The following NBPF9 variants were observed in gnomAD, a reference collection of about 807,000 sequenced individuals.
The protein encoded by NBPF9 is NBPF family member NBPF9.
Under a neutral mutation model 97.8 loss-of-function variants are expected in NBPF9, and 91 were observed. That is an observed-to-expected ratio of 0.93 (90% CI 0.79 to 1.11). The LOEUF (loss-of-function observed/expected upper bound fraction) is 1.11. Among genes scored for constraint, NBPF9 ranks in the 50% least tolerant of loss-of-function variants. NBPF9 has a pLI of 0.00. For synonymous variants in NBPF9, 334 were observed against 359.5 expected, an observed-to-expected ratio of 0.93 and a Z score of 0.80; for missense variants, 992 against 939.5, an observed-to-expected ratio of 1.06 and a Z score of -0.73.
chr1:149,065,643 C>T lies in NBPF9; in HGVS notation c.1684G>A (p.Asp562Asn), dbSNP rs1324921983. 3.7e-6 allele frequency: 6 copies of T among 1,603,168 alleles called. No individual in the cohort carries two copies. In the Admixed American group the frequency reaches 1.0e-4, roughly 27 times the overall value. The change falls in exon 18 of 30, where the codon GAT becomes AAT. Residue 562 changes from aspartate to asparagine, a missense_variant. Physicochemically the swap from Asp to Asn is conservative, Grantham distance 23. Around this residue, in one of 11 missense-constraint regions of NBPF9, gnomAD observed 151 missense variants for 132.8 expected, o/e 1.14. Coordinates refer to ENST00000584027, the Ensembl canonical transcript of NBPF9. ...ATTGAGGGAGTCGAATAACCTTCAT[C>T]CCAGGACTCCTGGGGGACTTCCTCC... is the stretch of plus-strand genomic sequence containing the variant.
chr1:149,064,151 A>G (rs1178297696), intron 19 of NBPF9, among the ~76,000 whole-genome samples: 1 of 137,370 alleles, frequency 7.3e-6, no homozygotes, highest in African/African-American at 2.9e-5. Flanking sequence ...GCATGTCCTC[A>G]ATAATTTTGC....
At position 149,098,578 on chromosome 1, in the gene NBPF9, T is replaced by A. The variant is rs1290785611; in HGVS notation, c.-477A>T. On this transcript the variant is annotated 5_prime_UTR_variant, in exon 4 of 30. It removes an upstream start codon present in the reference 5' UTR. Transcript: ENST00000584027. ...GTGGGAATTGGTGGCACCCCCAGCA[T>A]GGAGGCCAAGAACACACAGCACTGA... 1.0e-5 allele frequency: 15 copies of A among 1,435,980 alleles called. No homozygotes were observed. Among genetic ancestry groups the A allele is most frequent in the Non-Finnish European group, 1.3e-5 (14 of 1,085,570 alleles). 89.0% of individuals were successfully genotyped at this position (1,435,980 alleles called of 1,614,324 possible).
At chr1:149,100,720 G>A (rs1473979106) in intron 3 of NBPF9, among the ~76,000 whole-genome samples, 2 of 152,188 alleles carry the variant, frequency 1.3e-5, no homozygotes, top group Non-Finnish European at 2.9e-5. Context: ...GATTACTTGA[G>A]CCCAACAGTT....
chr1:149,061,144 A>C lies in NBPF9; in HGVS notation c.2303+188T>G, dbSNP rs1163736234. On this transcript the variant is annotated intron_variant, in intron 23 of 29. Transcript: ENST00000584027. Reference sequence around the variant, plus strand: ...CTGGTCCACCTACAGTAGGTTAGTAAATGATAAGGGGAGGAAGAAATGGAA... The same window carrying C: ...CTGGTCCACCTACAGTAGGTTAGTACATGATAAGGGGAGGAAGAAATGGAA... 4 of 369,000 alleles carry C rather than the reference A, an allele frequency of 1.1e-5. No homozygotes were observed. In the Admixed American group the frequency reaches 1.8e-4, roughly 17 times the overall value. The allele number at this position is 369,000 out of a possible 1,614,324, so 22.9% of individuals were successfully genotyped here. A position where few individuals can be genotyped will look rare whatever the true frequency, so the allele number is the denominator to read the frequency against.
intron 16 of NBPF9, among the ~76,000 whole-genome samples, chr1:149,070,351 G>A (rs1553652644): frequency 7.5e-6 from 1 of 133,498 alleles, no homozygotes; most frequent in African/African-American, 2.8e-5. Flanking sequence ...AAAAATCCAC[G>A]ATGCTACAAA....
At chr1:149,062,837 A>ACT in intron 21 of NBPF9, 25 bp downstream of exon 21, 1 of 667,710 alleles carries the variant, frequency 1.5e-6, no homozygotes, top group Middle Eastern at 4.0e-4. Flanking sequence ...CACAGAATTA[A>ACT]GCATCCATAA....
intron 15 of NBPF9, 93 bp downstream of exon 15, chr1:149,071,511 T>A: frequency 8.9e-7 from 1 of 1,124,598 alleles, no homozygotes; most frequent in Non-Finnish European, 1.3e-6. Context: ...GAATGCGGGT[T>A]TTTGGCCCAT....
intron 5 of NBPF9, among the ~76,000 whole-genome samples, chr1:149,085,448 C>A (rs1250105703): frequency 6.6e-6 from 1 of 152,098 alleles, no homozygotes; most frequent in Non-Finnish European, 1.5e-5. Flanking sequence ...ATTCTAGGTT[C>A]TTTGATTTTC....
chr1:149,090,788 G>A (rs4124939), exon 5 of NBPF9: 20 of 553,354 alleles, frequency 3.6e-5, no homozygotes, highest in East Asian at 1.2e-4. Context: ...CCCAACTGGC[G>A]GCTGCTTCTT....
chr1:149,061,186 C>T lies in NBPF9; in HGVS notation c.2303+146G>A, dbSNP rs1245360349. 5.5e-5 allele frequency: 18 copies of T among 328,522 alleles called. No individual in the cohort carries two copies. In the East Asian group the frequency reaches 7.8e-4, roughly 14 times the overall value. The allele number at this position is 328,522 out of a possible 1,614,324, so 20.4% of individuals were successfully genotyped here. On this transcript the variant is annotated intron_variant, in intron 23 of 29. Transcript: ENST00000584027. The stretch of plus-strand genomic sequence containing the variant: ...GAAATGGAAACCTAAATATCTACTG[C>T]AATGAAAACCAACAGCAATGTTAGT...
chr1:149,068,579 A>G (rs2079176768), intron 17 of NBPF9, among the ~76,000 whole-genome samples: 1 of 151,710 alleles, frequency 6.6e-6, no homozygotes, highest in Non-Finnish European at 1.5e-5. Context: ...AGAGTTAACT[A>G]TCCTAAATAT....
At chr1:149,064,070 A>C (rs1217789854) in intron 19 of NBPF9, among the ~76,000 whole-genome samples, 2 of 137,052 alleles carry the variant, frequency 1.5e-5, no homozygotes, top group African/African-American at 5.8e-5. Flanking sequence ...CAGGTGACAC[A>C]CTGATGAGGG....
rs1553648972 is a variant in NBPF9, at chr1:149,056,285, G to A, written c.3092+227C>T. 2.2e-5 allele frequency among the ~76,000 whole-genome samples: 3 copies of A among 133,882 alleles called. No homozygotes were observed. The South Asian group carries it at 8.7e-4, about 39-fold the overall frequency. 87.8% of individuals were successfully genotyped at this position (133,882 alleles called of 152,430 possible). On this transcript the variant is annotated intron_variant, in intron 29 of 29. Transcript: ENST00000584027. ...GCTCAAAATTCGATGCAGTGGCCAT[G>A]AGAGTACAGCTTTTGAAGTATGGTC...
chr1:149,089,346 AG>A (rs1322900977), intron 5 of NBPF9, among the ~76,000 whole-genome samples: 2 of 152,022 alleles, frequency 1.3e-5, no homozygotes, highest in African/African-American at 4.8e-5. Context: ...GCTGTGGAAG[AG>A]TGGCCACTGA....
intron 3 of NBPF9, among the ~76,000 whole-genome samples, chr1:149,100,660 G>A (rs2082087907): frequency 6.6e-6 from 1 of 152,208 alleles, no homozygotes; most frequent in Admixed American, 6.5e-5. Flanking sequence ...ACAGCCGGGT[G>A]GGGTGGCTCA....
At chr1:149,071,384 T>G (rs1442535919) in intron 15 of NBPF9, among the ~76,000 whole-genome samples, 11 of 149,844 alleles carry the variant, frequency 7.3e-5, no homozygotes, top group Admixed American at 7.3e-4. Context: ...CTGAGGAGGA[T>G]GAAGACTCAG....
At chr1:149,080,998 G>A (rs2080383718) in intron 7 of NBPF9, among the ~76,000 whole-genome samples, 2 of 151,796 alleles carry the variant, frequency 1.3e-5, no homozygotes. Context: ...CTGCACTGCT[G>A]CTTCCACACA....
chr1:149,089,195 C>A (rs1204224903), intron 5 of NBPF9, among the ~76,000 whole-genome samples: 1 of 152,302 alleles, frequency 6.6e-6, no homozygotes, highest in Non-Finnish European at 1.5e-5. Flanking sequence ...AGAGGTGCCA[C>A]AGGACCTTTA....
exon 20 of NBPF9, chr1:149,063,705 A>C (rs1350193651): frequency 2.3e-5 from 14 of 607,186 alleles, no homozygotes; most frequent in Non-Finnish European, 4.1e-5. Context: ...GGCTGGCATG[A>C]GTCAGTCAGT....
Sources: allele counts gnomAD v4.1 joint callset (sites outside exome capture counted in the v4.1 genomes callset), GRCh38; gene constraint gnomAD v4.1.1; regional missense constraint gnomAD v4.1.1; transcripts MANE v1.5; gene names NCBI Gene and HGNC (gene_info 2026-07-23, HGNC 2026-07-21).